Variants in EVPL observed in about 807,000 individuals in gnomAD.
The protein encoded by EVPL is envoplakin, also known as 210 kDa cornified envelope precursor protein.
EVPL carries 94 observed loss-of-function variants against 129.7 expected under a neutral mutation model. That is an observed-to-expected ratio of 0.72 (90% CI 0.61 to 0.86). The LOEUF is 0.86. Among genes scored for constraint, EVPL ranks in the 40% least tolerant of loss-of-function variants. EVPL has a pLI of 0.00. For synonymous variants in EVPL, 1,172 were observed against 1,191.1 expected (o/e 0.98, Z 0.33); for missense variants, 2,625 against 2,721.1 (o/e 0.96, Z 0.79).
At position 76,007,921 on chromosome 17, in the gene EVPL, C is replaced by G. The variant is rs759430874; in HGVS notation, c.5284G>C (p.Glu1762Gln). 6.2e-7 allele frequency: 1 copy of G among 1,614,096 alleles called. No individual in the cohort carries two copies. The highest frequency in any genetic ancestry group is 8.5e-7 in the Non-Finnish European group (1 of 1,180,032). ...ALRCRRISKE[E>Q]YHLYKDGHLP... ...TGGCCGTCCTTGTACAGATGGTACT[C>G]CTCCTTAGAGATGCGCCGGCAGCGG... The change falls in exon 22 of 22, where the codon GAG (glutamate) becomes CAG (glutamine). Residue 1762 changes from glutamate to glutamine, a missense_variant. Around this residue, in one of 4 missense-constraint regions of EVPL, gnomAD observed 1,453 missense variants for 1,511.8 expected, o/e 0.96. Coordinates refer to ENST00000301607, the MANE Select transcript of EVPL (RefSeq NM_001988.4). This position sits in a 1 kb window ranked among gnomAD's most constrained non-coding sequence, Gnocchi z 8.8.
chr17:76,012,135 A>G, intron 18 of EVPL, 46 bp from the exon 19 acceptor site: 2 of 1,456,902 alleles, frequency 1.4e-6, no homozygotes, highest in African/African-American at 1.4e-5. Flanking sequence ...AATGCCAATC[A>G]CCCTGACTCT....
At chr17:76,019,163 G>A in intron 10 of EVPL, 103 bp from the exon 11 acceptor site, 1 of 1,272,524 alleles carries the variant, frequency 7.9e-7, no homozygotes, top group Non-Finnish European at 1.0e-6. Flanking sequence ...CTTCATGAAG[G>A]CAGGGGTCTC....
chr17:76,007,702 T>C lies in EVPL; in HGVS notation c.5503A>G (p.Thr1835Ala). 2 of 1,613,366 alleles carry C rather than the reference T, an allele frequency of 1.2e-6. No individual in the cohort carries two copies. Among genetic ancestry groups the C allele is most frequent in the East Asian group, 2.2e-5 (1 of 44,854 alleles). ...FPIAGIYDTT[T>A]DNKCSIKTAV... ...GTCTTGATGCTGCACTTGTTGTCTGTGGTTGTGTCATAGATCCCGGCGATA... is the reference window on the plus strand; with the variant it reads ...GTCTTGATGCTGCACTTGTTGTCTGCGGTTGTGTCATAGATCCCGGCGATA... The change falls in exon 22 of 22, where the codon ACA becomes GCA. Residue 1835 changes from threonine to alanine, a missense_variant. This residue lies in a region of EVPL where 1,453 missense variants were observed against 1,511.8 expected (regional missense o/e 0.96). Transcript: ENST00000301607. The surrounding 1 kb of genome is among the most constrained non-coding windows in gnomAD (Gnocchi z 8.8).
intron 10 of EVPL, 30 bp downstream of exon 10, chr17:76,019,498 G>C (rs2066442171): frequency 6.5e-7 from 1 of 1,533,404 alleles, no homozygotes; most frequent in Non-Finnish European, 8.7e-7. Flanking sequence ...CCAGAAGTGG[G>C]GTGCAGACGG....
chr17:76,017,618 C>T, intron 14 of EVPL, 121 bp downstream of exon 14: 1 of 1,391,568 alleles, frequency 7.2e-7, no homozygotes, highest in Middle Eastern at 2.6e-4. Context: ...CCGGGTCTGT[C>T]CACACCCTTC....
At position 76,011,780 on chromosome 17, in the gene EVPL, G is replaced by C. The variant is rs148197672; in HGVS notation, c.2560C>G (p.Gln854Glu). The change falls in exon 20 of 22, where the codon CAA (glutamine) becomes GAA (glutamate). Residue 854 changes from glutamine (Q) to glutamate (E), a missense_variant. Around this residue, in one of 4 missense-constraint regions of EVPL, gnomAD observed 1,024 missense variants for 997.5 expected, o/e 1.03. Coordinates refer to ENST00000301607, the MANE Select transcript of EVPL (RefSeq NM_001988.4). ...GCAAGGTCCCATCTCACCTGGGCTTGGATGCTCTCTTGCAGGGGAGCCACT... is the reference window on the plus strand; with the variant it reads ...GCAAGGTCCCATCTCACCTGGGCTTCGATGCTCTCTTGCAGGGGAGCCACT... ...PRVAPLQESI[Q>E]AQEKNLAKAY... The C allele has an allele frequency of 7.4e-6, 12 of 1,612,042 alleles. No individual in the cohort carries two copies. Among genetic ancestry groups the C allele is most frequent in the Non-Finnish European group, 9.3e-6 (11 of 1,178,838 alleles).
chr17:76,008,231 C>A lies in EVPL; in HGVS notation c.4974G>T (p.Thr1658=), dbSNP rs777236664. 9.3e-6 allele frequency: 15 copies of A among 1,613,780 alleles called. No homozygotes were observed. In the African/African-American group the frequency reaches 1.7e-4, roughly 19 times the overall value. Reference sequence around the variant, plus strand: ...TCACCTTGGCGTGGAGGTCCCGGAGCGTCCGCTCCTTCTCGTAGATCTGGT... The same window carrying A: ...TCACCTTGGCGTGGAGGTCCCGGAGAGTCCGCTCCTTCTCGTAGATCTGGT... ...EKDQIYEKER[T]LRDLHAKVSR... The change falls in exon 22 of 22, where the codon ACG becomes ACT. Residue 1658 remains threonine, a synonymous_variant. Transcript: ENST00000301607. The surrounding 1 kb of genome is among the most constrained non-coding windows in gnomAD (Gnocchi z 7.4).
At chr17:76,026,899 G>C (rs562358343) in intron 1 of EVPL, among the ~76,000 whole-genome samples, 2 of 152,238 alleles carry the variant, frequency 1.3e-5, no homozygotes, top group South Asian at 4.1e-4. Flanking sequence ...CCTCCTGCCA[G>C]GGCTGAAGTT....
rs992265229 is a variant in EVPL, at chr17:76,013,193, C to T, written c.2374-1104G>A. On this transcript the variant is annotated intron_variant, in intron 18 of 21. Transcript: ENST00000301607. This position sits in a 1 kb window ranked among gnomAD's most constrained non-coding sequence, Gnocchi z 4.3. Reference sequence around the variant, plus strand: ...TGATGCTCTGACCACAATAATCCAACTTATTTGGTCTGGGGAGGGGTCCTG... The same window carrying T: ...TGATGCTCTGACCACAATAATCCAATTTATTTGGTCTGGGGAGGGGTCCTG... Among the ~76,000 whole-genome samples, 16 of 152,194 alleles carry T rather than the reference C, an allele frequency of 1.1e-4. No homozygotes were observed. Among genetic ancestry groups the T allele is most frequent in the African/African-American group, 3.6e-4 (15 of 41,436 alleles).
chr17:76,014,464 C>G lies in EVPL; in HGVS notation c.2335G>C (p.Gly779Arg). ...LPRSQVRPSD[G>R]PSQIAYKLQA... ...AGCTTGTAGGCGATCTGGCTGGGGCCGTCGCTGGGCCGCACCTGGCTGCGG... is the reference window on the plus strand; with the variant it reads ...AGCTTGTAGGCGATCTGGCTGGGGCGGTCGCTGGGCCGCACCTGGCTGCGG... The change falls in exon 18 of 22, where the codon GGC becomes CGC. Residue 779 changes from glycine (G) to arginine (R), a missense_variant. Transcript: ENST00000301607. 3 of 1,611,774 alleles carry G rather than the reference C, an allele frequency of 1.9e-6. No homozygotes were observed. Among genetic ancestry groups the G allele is most frequent in the Non-Finnish European group, 8.5e-7 (1 of 1,179,398 alleles).
chr17:76,025,667 C>T (rs979393431), intron 1 of EVPL, among the ~76,000 whole-genome samples: 9 of 152,358 alleles, frequency 5.9e-5, no homozygotes, highest in South Asian at 2.1e-4. Context: ...CTTTCCCGTC[C>T]GCCCAGACAC....
At chr17:76,026,011 G>A (rs1173970639) in intron 1 of EVPL, among the ~76,000 whole-genome samples, 6 of 152,194 alleles carry the variant, frequency 3.9e-5, no homozygotes, top group African/African-American at 7.2e-5. Flanking sequence ...GAGTGATCAC[G>A]GCTCACTGCA....
chr17:76,019,698 T>C (rs2144428417), intron 9 of EVPL, 45 bp from the exon 10 acceptor site: 4 of 1,592,326 alleles, frequency 2.5e-6, no homozygotes, highest in Non-Finnish European at 3.4e-6. Flanking sequence ...TGCAACCTGC[T>C]GCCCACTGAC....
At chr17:76,017,988 A>G in intron 13 of EVPL, 77 bp from the exon 14 acceptor site, 2 of 1,590,106 alleles carry the variant, frequency 1.3e-6, no homozygotes, top group Non-Finnish European at 1.7e-6. Context: ...AGGTGCCCAC[A>G]GAGGGTCCTG....
Position 76,023,419 on chromosome 17 carries a change from C to G in EVPL, c.354-1G>C. 6.2e-7 allele frequency: 1 copy of G among 1,613,798 alleles called. No homozygotes were observed. The highest frequency in any genetic ancestry group is 8.5e-7 in the Non-Finnish European group (1 of 1,180,006). Reference sequence around the variant, plus strand: ...CACCCGCTCGTGCAGCTGCTTGATGCTGTCAAGAAGGTGGCCGGCAGGTCA... The same window carrying G: ...CACCCGCTCGTGCAGCTGCTTGATGGTGTCAAGAAGGTGGCCGGCAGGTCA... On this transcript the variant is annotated splice_acceptor_variant, in intron 3 of 21. Coordinates refer to ENST00000301607, the MANE Select transcript of EVPL (RefSeq NM_001988.4). LOFTEE classifies it high-confidence loss of function.
In EVPL at chr17:76,009,788, C is replaced by A. The variant is rs757543596; in HGVS notation, c.3417G>T (p.Val1139=). ...SVEPKVIVKE[V]KKVEQDPGLL... is the part of the protein sequence containing the mutation. ...GCCCTGGGTCCTGCTCCACCTTCTT[C>A]ACCTCCTTCACGATGACCTTGGGCT... Residue 1139 remains valine (V), a synonymous_variant, in exon 22 of 22, where the codon GTG becomes GTT. Coordinates refer to ENST00000301607, the MANE Select transcript of EVPL (RefSeq NM_001988.4). The surrounding 1 kb of genome is among the most constrained non-coding windows in gnomAD (Gnocchi z 5.9). 2 of 1,613,936 alleles carry A rather than the reference C, an allele frequency of 1.2e-6. No homozygotes were observed. The highest frequency in any genetic ancestry group is 4.5e-5 in the East Asian group (2 of 44,872).
Position 76,024,917 on chromosome 17 carries a change from T to C in EVPL, c.99-797A>G, listed in dbSNP as rs576871831. ...CAAGCAGACCTAAAAGAGGGCAGAT[T>C]GGTCCAAGCCTTATGAGCACAGTGC... On this transcript the variant is annotated intron_variant, in intron 1 of 21. Coordinates refer to ENST00000301607, the MANE Select transcript of EVPL (RefSeq NM_001988.4). This position sits in a 1 kb window ranked among gnomAD's most constrained non-coding sequence, Gnocchi z 4.5. 6.6e-6 allele frequency among the ~76,000 whole-genome samples: 1 copy of C among 152,314 alleles called. No homozygotes were observed. The highest frequency in any genetic ancestry group is 6.5e-5 in the Admixed American group (1 of 15,302).
chr17:76,014,830 C>T (rs1380733955), intron 17 of EVPL, 86 bp downstream of exon 17: 2 of 1,375,434 alleles, frequency 1.5e-6, no homozygotes, highest in Admixed American at 4.9e-5. Context: ...CGTGAAGTCA[C>T]TAGCCCAGGA....
rs201057026 is a variant in EVPL, at chr17:76,007,381, C to T, written c.5824G>A (p.Gly1942Arg). ...LPHLQVQHLT[G>R]GLIDPKRTGR... is the part of the protein sequence containing the mutation. ...GTCCTCTTGGGGTCGATGAGCCCCC[C>T]GGTCAGGTGCTGCACCTGCAGGTGT... The change falls in exon 22 of 22, where the codon GGG becomes AGG. Residue 1942 changes from glycine to arginine, a missense_variant. Transcript: ENST00000301607. This position sits in a 1 kb window ranked among gnomAD's most constrained non-coding sequence, Gnocchi z 8.8. The T allele has an allele frequency of 4.8e-5, 76 of 1,598,680 alleles. No individual in the cohort carries two copies. Among genetic ancestry groups the T allele is most frequent in the East Asian group, 2.7e-4 (12 of 44,556 alleles).
Sources: allele counts gnomAD v4.1 joint callset (sites outside exome capture counted in the v4.1 genomes callset), GRCh38; gene constraint gnomAD v4.1.1; regional missense constraint gnomAD v4.1.1; non-coding constraint Gnocchi (gnomAD v3.1); transcripts MANE v1.5; gene names NCBI Gene and HGNC (gene_info 2026-07-23, HGNC 2026-07-21).